The following CUX1 variants were observed in gnomAD, a reference collection of about 807,000 sequenced individuals.
CUX1 encodes protein CASP.
Under a neutral mutation model 158.8 loss-of-function variants are expected in CUX1, and 31 were observed. The observed-to-expected ratio is 0.20, with a 90% CI of 0.15 to 0.26. The LOEUF (loss-of-function observed/expected upper bound fraction) is 0.26, where lower values mean the gene tolerates loss of function less well. CUX1 is among the 10% of genes least tolerant of loss of function. The pLI, the probability that CUX1 is intolerant of heterozygous loss-of-function variation, is 1.00. For missense variants in CUX1, 1,589 were observed against 2,014.6 expected (o/e 0.79, Z 4.04); for synonymous variants, 879 against 862.1 (o/e 1.02, Z -0.34).
chr7:102,075,889 G>A (rs544473096), intron 4 of CUX1, among the ~76,000 whole-genome samples: 27 of 152,202 alleles, frequency 1.8e-4, no homozygotes, highest in East Asian at 5.8e-4. Flanking sequence ...TGAGGACTTC[G>A]GCTCTGGGGC....
intron 4 of CUX1, among the ~76,000 whole-genome samples, chr7:102,090,845 TTTC>T (rs1828511394): frequency 6.6e-6 from 1 of 152,188 alleles, no homozygotes; most frequent in Non-Finnish European, 1.5e-5. Context: ...GTATGGCAAT[TTTC>T]TTAAGTTAAT....
intron 10 of CUX1, 24 bp from the exon 11 acceptor site, chr7:102,178,445 T>C (rs2131780110): frequency 1.3e-6 from 2 of 1,573,096 alleles, no homozygotes; most frequent in East Asian, 4.5e-5. Context: ...AGCGCAGTTT[T>C]GTCATCTCTT....
chr7:102,153,220 C>A, intron 8 of CUX1: 1 of 152,408 alleles, frequency 6.6e-6, no homozygotes, highest in Non-Finnish European at 1.5e-5. Context: ...GCCCAAGCCC[C>A]ACCCAGGCCC....
intron 8 of CUX1, among the ~76,000 whole-genome samples, chr7:102,144,192 G>C (rs1049189556): frequency 1.3e-5 from 2 of 152,096 alleles, no homozygotes; most frequent in Admixed American, 1.3e-4. Flanking sequence ...TTATCACCTT[G>C]TTTCATTGCA....
chr7:101,900,436 T>C (rs907793929), intron 1 of CUX1, among the ~76,000 whole-genome samples: 3 of 152,192 alleles, frequency 2.0e-5, no homozygotes, highest in Non-Finnish European at 4.4e-5. Context: ...GGCAGGATGT[T>C]GTAAACCTCA....
At chr7:102,100,479 C>T (rs1829658154) in intron 5 of CUX1, among the ~76,000 whole-genome samples, 1 of 152,168 alleles carries the variant, frequency 6.6e-6, no homozygotes, top group Non-Finnish European at 1.5e-5. Flanking sequence ...CTCAATAGTA[C>T]CTGCTACTTA....
At chr7:102,107,342 C>G (rs981104656) in intron 6 of CUX1, among the ~76,000 whole-genome samples, 27 of 152,212 alleles carry the variant, frequency 1.8e-4, no homozygotes, top group African/African-American at 6.3e-4. Context: ...AGTTCAAGAC[C>G]AGCCTGACCA....
chr7:102,133,465 AT>A (rs1833547133), intron 8 of CUX1, among the ~76,000 whole-genome samples: 1 of 122,376 alleles, frequency 8.2e-6, no homozygotes, highest in African/African-American at 3.2e-5. Flanking sequence ...AAAAAAATAC[AT>A]CTTTTTTTTT....
intron 3 of CUX1, among the ~76,000 whole-genome samples, chr7:102,029,043 A>G (rs1042671879): frequency 7.1e-6 from 1 of 140,464 alleles, no homozygotes; most frequent in African/African-American, 2.7e-5. Flanking sequence ...CTCAGGCTAC[A>G]GTCCAGTGGT....
intron 14 of CUX1, among the ~76,000 whole-genome samples, chr7:102,264,035 T>G (rs1266347315): frequency 7.3e-6 from 1 of 137,772 alleles, no homozygotes; most frequent in African/African-American, 2.8e-5. Flanking sequence ...AGACGGAGTC[T>G]TGCTCTGTCA....
rs192987099 is a variant in CUX1, at chr7:102,077,301, G to A, written c.268+6884G>A. On this transcript the variant is annotated intron_variant, in intron 4 of 23. Coordinates refer to ENST00000292535, the MANE Select transcript of CUX1 (RefSeq NM_181552.4). ...CAGGTGGGGAGAATGTCGGGTCAAT[G>A]GGGCTTAGTGAGCAGAAGAGGAAAA... 2.6e-3 allele frequency among the ~76,000 whole-genome samples: 391 copies of A among 151,976 alleles called. 8 individuals carry two copies. The highest frequency in any genetic ancestry group is 0.024 in the Admixed American group (370 of 15,240).
intron 2 of CUX1, among the ~76,000 whole-genome samples, chr7:101,942,382 T>C (rs1319845643): frequency 6.6e-6 from 1 of 152,192 alleles, no homozygotes; most frequent in East Asian, 1.9e-4. Flanking sequence ...GTCTTTTCGA[T>C]CTTACCTTGT....
At position 101,868,752 on chromosome 7, in the gene CUX1, AG is replaced by A. The variant is rs1255953629; in HGVS notation, c.31-47360del. 2.6e-5 allele frequency among the ~76,000 whole-genome samples: 4 copies of A among 152,224 alleles called. No individual in the cohort carries two copies. In the East Asian group the frequency reaches 7.7e-4, roughly 29 times the overall value. Reference sequence around the variant, plus strand: ...GGGTTGACAGGGCAGAGCTGGCTGTAGGGAGTGATGGAGAGAGGCTCCCAGG... The same window carrying A: ...GGGTTGACAGGGCAGAGCTGGCTGTAGGAGTGATGGAGAGAGGCTCCCAGG... On this transcript the variant is annotated intron_variant, in intron 1 of 23. Transcript: ENST00000292535.
intron 1 of CUX1, among the ~76,000 whole-genome samples, chr7:101,851,598 G>A (rs1021794355): frequency 2.0e-5 from 3 of 152,116 alleles, no homozygotes; most frequent in African/African-American, 7.2e-5. Flanking sequence ...GAAAGATTTG[G>A]CTCCCCGTTT....
At position 102,201,636 on chromosome 7, in the gene CUX1, A is replaced by C; in HGVS notation, c.2339A>C (p.Asn780Thr). Residue 780 changes from asparagine to threonine, a missense_variant, in exon 18 of 24, where the codon AAC becomes ACC. This residue lies in a region of CUX1 where 337 missense variants were observed against 409.3 expected (regional missense o/e 0.82). Transcript: ENST00000292535. The surrounding 1 kb of genome is among the most constrained non-coding windows in gnomAD (Gnocchi z 5.0). ...APEAGASALP[N>T]PPALKKEAQD... The stretch of plus-strand genomic sequence containing the variant: ...GAGGCCGGTGCCTCTGCTCTGCCGA[A>C]CCCCCCGGCCCTCAAAAAGGAGGCC... The C allele has an allele frequency of 2.5e-6, 4 of 1,613,008 alleles. No homozygotes were observed. Among genetic ancestry groups the C allele is most frequent in the Non-Finnish European group, 3.4e-6 (4 of 1,179,756 alleles).
chr7:102,155,556 A>G (rs1789661619), intron 8 of CUX1, among the ~76,000 whole-genome samples: 1 of 152,060 alleles, frequency 6.6e-6, no homozygotes, highest in East Asian at 1.9e-4. Flanking sequence ...AAAGAAAAAA[A>G]AAAACAACAC....
intron 11 of CUX1, chr7:102,187,019 G>A (rs1001826482): frequency 1.1e-4 from 16 of 152,074 alleles, no homozygotes; most frequent in South Asian, 2.1e-4. Context: ...GCAACAGAGC[G>A]AGACTCCATC....
chr7:101,919,530 A>G (rs1804637341), intron 2 of CUX1, among the ~76,000 whole-genome samples: 2 of 152,206 alleles, frequency 1.3e-5, no homozygotes, highest in African/African-American at 4.8e-5. Flanking sequence ...TCCCCATGGC[A>G]ACATACCTTC....
At chr7:102,084,456 C>T (rs1325923886) in intron 4 of CUX1, among the ~76,000 whole-genome samples, 1 of 123,780 alleles carries the variant, frequency 8.1e-6, no homozygotes, top group African/African-American at 2.6e-5. Flanking sequence ...CAGAGTCTCG[C>T]TCTGTCACCC....
Sources: allele counts gnomAD v4.1 joint callset (sites outside exome capture counted in the v4.1 genomes callset), GRCh38; gene constraint gnomAD v4.1.1; regional missense constraint gnomAD v4.1.1; non-coding constraint Gnocchi (gnomAD v3.1); transcripts MANE v1.5; gene names NCBI Gene and HGNC (gene_info 2026-07-23, HGNC 2026-07-21).